The following EPB41L5 variants were observed in gnomAD, a reference collection of about 807,000 sequenced individuals.
The protein encoded by EPB41L5 is band 4.1-like protein 5.
Under a neutral mutation model 106.6 loss-of-function variants are expected in EPB41L5, and 55 were observed. The observed-to-expected ratio is 0.52, with a 90% CI of 0.42 to 0.65. The LOEUF (loss-of-function observed/expected upper bound fraction) is 0.65. Ranked by LOEUF, EPB41L5 falls within the 30% of genes least tolerant of loss-of-function variation. EPB41L5 has a pLI of 0.00. For missense variants in EPB41L5, 871 were observed against 882.1 expected, an observed-to-expected ratio of 0.99 and a Z score of 0.16; for synonymous variants, 297 against 306.7, an observed-to-expected ratio of 0.97 and a Z score of 0.33.
intron 17 of EPB41L5, among the ~76,000 whole-genome samples, chr2:120,128,943 T>C (rs1035872547): frequency 6.6e-6 from 1 of 152,182 alleles, no homozygotes; most frequent in Non-Finnish European, 1.5e-5. Context: ...CTCCACTTCT[T>C]GTTAGCAATG....
intron 22 of EPB41L5, among the ~76,000 whole-genome samples, chr2:120,166,052 A>G (rs543817728): frequency 6.6e-6 from 1 of 151,600 alleles, no homozygotes; most frequent in Admixed American, 6.6e-5. Flanking sequence ...TGTAGGGGCT[A>G]GATGCCATCC....
At chr2:120,039,731 A>G (rs1284651858) in intron 2 of EPB41L5, among the ~76,000 whole-genome samples, 2 of 151,342 alleles carry the variant, frequency 1.3e-5, no homozygotes, top group Non-Finnish European at 2.9e-5. Context: ...AGGCTGAGGC[A>G]GGAGAATTGC....
At chr2:120,089,763 G>A (rs1289399442) in intron 11 of EPB41L5, among the ~76,000 whole-genome samples, 1 of 152,058 alleles carries the variant, frequency 6.6e-6, no homozygotes, top group Non-Finnish European at 1.5e-5. Flanking sequence ...TGTTAGAGGT[G>A]TATGTAGATT....
At chr2:120,126,489 G>A (rs185699105) in intron 16 of EPB41L5, among the ~76,000 whole-genome samples, 88 of 152,244 alleles carry the variant, frequency 5.8e-4, no homozygotes, top group African/African-American at 1.8e-3. Context: ...ATAGTGTGAG[G>A]TAGGGTCTAA....
At chr2:120,045,436 A>T (rs1237668721) in intron 3 of EPB41L5, among the ~76,000 whole-genome samples, 4 of 152,184 alleles carry the variant, frequency 2.6e-5, no homozygotes, top group East Asian at 3.8e-4. Flanking sequence ...GGACCATGTG[A>T]GAGAGAGTTA....
chr2:120,064,166 C>T (rs555140247), intron 3 of EPB41L5, among the ~76,000 whole-genome samples: 1 of 152,278 alleles, frequency 6.6e-6, no homozygotes, highest in East Asian at 1.9e-4. Context: ...TGTATTCATC[C>T]TCTCTTTCCT....
At chr2:120,075,377 A>G (rs1371815537) in intron 5 of EPB41L5, 99 bp from the exon 6 acceptor site, 1 of 880,038 alleles carries the variant, frequency 1.1e-6, no homozygotes, top group South Asian at 1.5e-5. Flanking sequence ...AATACAAGTA[A>G]TTTTTAATGA....
chr2:120,104,105 G>A, intron 16 of EPB41L5: 2 of 1,535,384 alleles, frequency 1.3e-6, no homozygotes, highest in Non-Finnish European at 1.7e-6. Flanking sequence ...GAAACCAGTG[G>A]AACACAAGGG....
At chr2:120,017,930 G>A (rs919561896) in intron 1 of EPB41L5, among the ~76,000 whole-genome samples, 8 of 151,502 alleles carry the variant, frequency 5.3e-5, no homozygotes, top group Non-Finnish European at 7.4e-5. Flanking sequence ...CCCAGTAGCC[G>A]GGACTACAGG....
intron 16 of EPB41L5, among the ~76,000 whole-genome samples, chr2:120,110,895 G>GCCT (rs1239164883): frequency 6.6e-6 from 1 of 152,024 alleles, no homozygotes; most frequent in African/African-American, 2.4e-5. Context: ...GCCCGCCTTG[G>GCCT]CCTCCCAAAG....
intron 5 of EPB41L5, 81 bp from the exon 6 acceptor site, chr2:120,075,395 C>T (rs2105323823): frequency 9.8e-7 from 1 of 1,021,714 alleles, no homozygotes; most frequent in Non-Finnish European, 1.5e-6. Context: ...TGAAATAATA[C>T]TTCTCAAGTT....
In EPB41L5 at chr2:120,091,986, C is replaced by A. The variant is rs993235865; in HGVS notation, c.1150+325C>A. Among the ~76,000 whole-genome samples the A allele has an allele frequency of 5.3e-5, 8 of 151,082 alleles. No individual in the cohort carries two copies. In the East Asian group the frequency reaches 1.4e-3, roughly 26 times the overall value. Reference sequence around the variant, plus strand: ...CTCATTCTAAAACATCCCTTAATCCCCTTAGGAATTTTTAAAAACATTTTT... The same window carrying A: ...CTCATTCTAAAACATCCCTTAATCCACTTAGGAATTTTTAAAAACATTTTT... On this transcript the variant is annotated intron_variant, in intron 13 of 24. Coordinates refer to ENST00000263713, the MANE Select transcript of EPB41L5 (RefSeq NM_020909.4).
At chr2:120,118,562 G>A (rs1373797815) in intron 16 of EPB41L5, among the ~76,000 whole-genome samples, 2 of 151,762 alleles carry the variant, frequency 1.3e-5, no homozygotes, top group African/African-American at 2.4e-5. Context: ...CCTTGTGTCC[G>A]TGTGTTTGCA....
chr2:120,157,896 A>G (rs535375750), intron 20 of EPB41L5, among the ~76,000 whole-genome samples: 4 of 152,128 alleles, frequency 2.6e-5, no homozygotes, highest in Admixed American at 6.5e-5. Context: ...AATAAACACA[A>G]TCAGAAACAA....
At chr2:120,096,195 A>G (rs1419469369) in intron 14 of EPB41L5, among the ~76,000 whole-genome samples, 2 of 152,170 alleles carry the variant, frequency 1.3e-5, no homozygotes, top group African/African-American at 4.8e-5. Flanking sequence ...GATATTGAGT[A>G]TCATCAGCCT....
chr2:120,160,684 TA>T (rs1687101793), intron 20 of EPB41L5, 196 bp from the exon 21 acceptor site: 1 of 542,056 alleles, frequency 1.8e-6, no homozygotes, highest in South Asian at 2.4e-5. Context: ...TCTTTTTTAT[TA>T]AAAAACCATT....
intron 21 of EPB41L5, among the ~76,000 whole-genome samples, chr2:120,161,267 T>C: frequency 6.6e-6 from 1 of 151,818 alleles, no homozygotes; most frequent in East Asian, 1.9e-4. Context: ...GGTCCCAGCT[T>C]CTCAGGAGGC....
At chr2:120,132,438 G>A (rs1432521087) in intron 18 of EPB41L5, among the ~76,000 whole-genome samples, 2 of 152,092 alleles carry the variant, frequency 1.3e-5, no homozygotes, top group Non-Finnish European at 2.9e-5. Flanking sequence ...AAAGGAGAAC[G>A]GCTGACTCAC....
chr2:120,083,524 T>C (rs1473519298), intron 10 of EPB41L5, among the ~76,000 whole-genome samples: 1 of 152,214 alleles, frequency 6.6e-6, no homozygotes, highest in Non-Finnish European at 1.5e-5. Context: ...TACTTCCAAC[T>C]ATGTGGTCAG....
Sources: allele counts gnomAD v4.1 joint callset (sites outside exome capture counted in the v4.1 genomes callset), GRCh38; gene constraint gnomAD v4.1.1; transcripts MANE v1.5; gene names NCBI Gene and HGNC (gene_info 2026-07-23, HGNC 2026-07-21).